EYS: variants seen among roughly 807,000 people sequenced by gnomAD.
EYS encodes the protein EGF-like photoreceptor maintenance factor.
In EYS, 250 loss-of-function variants were observed where a neutral mutation model predicts 282.1. That is an observed-to-expected ratio of 0.89 (90% confidence interval 0.80 to 0.98). The LOEUF is 0.98. Ranked by LOEUF, EYS falls within the 50% of genes least tolerant of loss-of-function variation. The pLI is 0.00. For missense variants in EYS, 4,016 were observed against 3,709.0 expected, an observed-to-expected ratio of 1.08 and a Z score of -2.15; for synonymous variants, 1,355 against 1,282.9, an observed-to-expected ratio of 1.06 and a Z score of -1.20.
At chr6:64,442,407 G>A (rs756225533) in intron 26 of EYS, among the ~76,000 whole-genome samples, 4 of 152,134 alleles carry the variant, frequency 2.6e-5, no homozygotes, top group Admixed American at 6.5e-5. Flanking sequence ...CTGACAATGC[G>A]ATAGAAAAGA....
rs1276745708 is a variant in EYS at position 64,085,925 on chromosome 6, A to T, written c.6425-3923T>A. Among the ~76,000 whole-genome samples, 5 of 152,212 alleles carry T rather than the reference A, an allele frequency of 3.3e-5. No individual in the cohort carries two copies. In the East Asian group the frequency reaches 9.6e-4, roughly 29 times the overall value. Reference sequence around the variant, plus strand: ...AAGTTCTTCATCGGTGCTTATGAGCACTGATGCCTAGAAATCTCCATAATA... The same window carrying T: ...AAGTTCTTCATCGGTGCTTATGAGCTCTGATGCCTAGAAATCTCCATAATA... On this transcript the variant is annotated intron_variant, in intron 31 of 42. Transcript: ENST00000503581.
chr6:64,415,578 T>C (rs1292663813), intron 28 of EYS, among the ~76,000 whole-genome samples: 2 of 152,148 alleles, frequency 1.3e-5, no homozygotes, highest in Non-Finnish European at 2.9e-5. Context: ...CTGAGGCCCA[T>C]TCTGAGGGTA....
chr6:64,017,352 G>A (rs1768943910), intron 33 of EYS, among the ~76,000 whole-genome samples: 1 of 152,050 alleles, frequency 6.6e-6, no homozygotes, highest in African/African-American at 2.4e-5. Context: ...CATGCTGGGG[G>A]TGGGAGATCT....
chr6:65,647,069 C>A (rs1263297662), intron 1 of EYS, among the ~76,000 whole-genome samples: 3 of 152,072 alleles, frequency 2.0e-5, no homozygotes, highest in Non-Finnish European at 2.9e-5. Flanking sequence ...GAATCGAAAT[C>A]ATGAAAATGA....
At chr6:64,256,974 GT>G (rs1767423824) in intron 30 of EYS, among the ~76,000 whole-genome samples, 1 of 151,960 alleles carries the variant, frequency 6.6e-6, no homozygotes, top group South Asian at 2.1e-4. Flanking sequence ...ACAATTATTT[GT>G]TTCTTGCAGG....
chr6:65,536,698 C>A (rs1261540698), intron 2 of EYS, among the ~76,000 whole-genome samples: 1 of 151,946 alleles, frequency 6.6e-6, no homozygotes, highest in Admixed American at 6.6e-5. Context: ...AGAAATCAAA[C>A]AAAAATTAGA....
intron 31 of EYS, among the ~76,000 whole-genome samples, chr6:64,223,634 C>T (rs1766168221): frequency 1.3e-5 from 2 of 151,998 alleles, no homozygotes; most frequent in Admixed American, 1.3e-4. Context: ...TGTTTCTGCA[C>T]CTCTAAAATG....
chr6:64,295,446 A>G (rs1375883512), intron 30 of EYS, among the ~76,000 whole-genome samples: 4 of 6,678 alleles, frequency 6.0e-4, no homozygotes, highest in Non-Finnish European at 5.0e-4. Flanking sequence ...GAAGAAGAGG[A>G]AGAAGAAGAA....
chr6:65,060,991 T>C (rs923146423), intron 12 of EYS, among the ~76,000 whole-genome samples: 7 of 151,744 alleles, frequency 4.6e-5, no homozygotes, highest in East Asian at 1.9e-4. Context: ...GGACAGGTAA[T>C]CATTTTCAAT....
chr6:65,196,788 A>G (rs1456758183), intron 12 of EYS, among the ~76,000 whole-genome samples: 1 of 152,088 alleles, frequency 6.6e-6, no homozygotes, highest in African/African-American at 2.4e-5. Context: ...TGTCAATGTT[A>G]CATTGGAGGA....
At chr6:64,615,478 C>A (rs1582956761) in intron 24 of EYS, among the ~76,000 whole-genome samples, 1 of 151,992 alleles carries the variant, frequency 6.6e-6, no homozygotes, top group South Asian at 2.1e-4. Context: ...ATTTGATTTT[C>A]TGATAATTCA....
intron 12 of EYS, among the ~76,000 whole-genome samples, chr6:65,237,132 C>T (rs1766947604): frequency 6.6e-6 from 1 of 152,070 alleles, no homozygotes; most frequent in Non-Finnish European, 1.5e-5. Flanking sequence ...GGTAATACAT[C>T]TACATTTTCC....
At chr6:64,016,489 A>ATTTC (rs1768897787) in intron 33 of EYS, among the ~76,000 whole-genome samples, 1 of 138,346 alleles carries the variant, frequency 7.2e-6, no homozygotes, top group East Asian at 2.1e-4. Flanking sequence ...TACCTTTTTG[A>ATTTC]TTTTTTTTTT....
At chr6:64,230,970 G>T in intron 30 of EYS, 146 bp from the exon 31 acceptor site, 1 of 507,192 alleles carries the variant, frequency 2.0e-6, no homozygotes, top group Non-Finnish European at 3.5e-6. Flanking sequence ...AAATTATCAT[G>T]TTTGTTTCAC....
In EYS at chr6:64,043,555, G is replaced by C. The variant is rs565577918; in HGVS notation, c.6725+22783C>G. 2.6e-5 allele frequency among the ~76,000 whole-genome samples: 4 copies of C among 152,358 alleles called. No individual in the cohort carries two copies. In the South Asian group the frequency reaches 6.2e-4, roughly 24 times the overall value. ...AAGATAGAGTCCTCTCGAACACCTAGAGGTTCTGACACGAATATGCCCATT... is the reference window on the plus strand; with the variant it reads ...AAGATAGAGTCCTCTCGAACACCTACAGGTTCTGACACGAATATGCCCATT... On this transcript the variant is annotated intron_variant, in intron 33 of 42. Coordinates refer to ENST00000503581, the MANE Select transcript of EYS (RefSeq NM_001142800.2).
intron 2 of EYS, among the ~76,000 whole-genome samples, chr6:65,597,370 A>G (rs889992983): frequency 2.0e-5 from 3 of 152,084 alleles, no homozygotes; most frequent in Admixed American, 6.6e-5. Context: ...CTTAAGTATC[A>G]TAATTCAAAG....
At chr6:65,359,873 T>C (rs1764633225) in intron 8 of EYS, among the ~76,000 whole-genome samples, 2 of 151,990 alleles carry the variant, frequency 1.3e-5, no homozygotes, top group Admixed American at 1.3e-4. Context: ...AGAATATTTG[T>C]ATATTCATTT....
intron 22 of EYS, among the ~76,000 whole-genome samples, chr6:64,738,821 G>A (rs1323445820): frequency 1.3e-5 from 2 of 152,132 alleles, no homozygotes; most frequent in African/African-American, 4.8e-5. Context: ...GCAATGGCAC[G>A]ATCTTGGCTC....
intron 35 of EYS, among the ~76,000 whole-genome samples, chr6:63,970,157 C>T (rs1766488939): frequency 1.3e-5 from 2 of 152,204 alleles, no homozygotes; most frequent in South Asian, 4.1e-4. Flanking sequence ...AGGGCCCTGA[C>T]ACCTGCAGAA....
Sources: allele counts gnomAD v4.1 joint callset (sites outside exome capture counted in the v4.1 genomes callset), GRCh38; gene constraint gnomAD v4.1.1; transcripts MANE v1.5; gene names NCBI Gene and HGNC (gene_info 2026-07-23, HGNC 2026-07-21).